LGR4: variants seen among roughly 807,000 people sequenced by gnomAD.
LGR4 encodes the protein leucine rich repeat containing G protein-coupled receptor 4.
A neutral mutation model predicts 84.8 loss-of-function variants in LGR4; 44 were observed. The observed-to-expected ratio is 0.52, with a 90% CI of 0.41 to 0.67. The LOEUF is 0.67. Among genes scored for constraint, LGR4 ranks in the 30% least tolerant of loss-of-function variants. LGR4 has a pLI of 0.00. For synonymous variants in LGR4, 429 were observed against 434.3 expected (o/e 0.99, Z 0.15); for missense variants, 1,032 against 1,131.4 (o/e 0.91, Z 1.26).
At chr11:27,448,263 T>C (rs1864424870) in intron 1 of LGR4, among the ~76,000 whole-genome samples, 1 of 151,744 alleles carries the variant, frequency 6.6e-6, no homozygotes, top group Non-Finnish European at 1.5e-5. Flanking sequence ...GAATAAATCA[T>C]CCAGAGTTTC....
intron 4 of LGR4, 78 bp downstream of exon 4, chr11:27,391,016 C>T: frequency 1.2e-6 from 1 of 841,952 alleles, no homozygotes; most frequent in Non-Finnish European, 1.9e-6. Context: ...TCTCCTCTTT[C>T]CTTACAATTC....
chr11:27,458,681 G>A (rs1302277383), intron 1 of LGR4, among the ~76,000 whole-genome samples: 1 of 151,998 alleles, frequency 6.6e-6, no homozygotes, highest in East Asian at 1.9e-4. Flanking sequence ...TAGGATTACA[G>A]CCACCCACCA....
intron 2 of LGR4, among the ~76,000 whole-genome samples, chr11:27,406,407 T>A (rs1247763072): frequency 6.6e-6 from 1 of 152,162 alleles, no homozygotes; most frequent in Non-Finnish European, 1.5e-5. Flanking sequence ...ACCCAGCTTA[T>A]AATGAGCTAT....
At position 27,472,178 on chromosome 11, in the gene LGR4, T is replaced by G; in HGVS notation, c.125A>C (p.Asp42Ala). 2 of 1,244,138 alleles carry G rather than the reference T, an allele frequency of 1.6e-6. No individual in the cohort carries two copies. The highest frequency in any genetic ancestry group is 2.0e-6 in the Non-Finnish European group (2 of 979,054). 77.1% of individuals were successfully genotyped at this position (1,244,138 alleles called of 1,614,324 possible). Residue 42 changes from aspartate (D) to alanine (A), a missense_variant, in exon 1 of 18, where the codon GAC becomes GCC. Physicochemically the swap from Asp to Ala is moderately radical, Grantham distance 126 (BLOSUM62 -2). Transcript: ENST00000379214. The part of the protein sequence containing the change: ...PCSCDGDRRV[D>A]CSGKGLTAVP... ...GGCCGTCAGCCCCTTCCCGGAGCAG[T>G]CCACCCGACGGTCGCCGTCGCAGCT...
At chr11:27,391,540 C>A (rs988898447) in intron 3 of LGR4, among the ~76,000 whole-genome samples, 2 of 151,976 alleles carry the variant, frequency 1.3e-5, no homozygotes, top group African/African-American at 2.4e-5. Flanking sequence ...TAAGCAAATC[C>A]GTTGGAATTC....
intron 2 of LGR4, among the ~76,000 whole-genome samples, chr11:27,410,038 C>A (rs1863681480): frequency 6.6e-6 from 1 of 152,166 alleles, no homozygotes; most frequent in Non-Finnish European, 1.5e-5. Context: ...GTAGCAACCA[C>A]AGGCAGCTAT....
At chr11:27,417,620 C>G (rs934811068) in intron 1 of LGR4, among the ~76,000 whole-genome samples, 1 of 152,048 alleles carries the variant, frequency 6.6e-6, no homozygotes, top group Non-Finnish European at 1.5e-5. Context: ...CATTTTCTCC[C>G]CACCTTTTTA....
intron 1 of LGR4, among the ~76,000 whole-genome samples, chr11:27,449,263 G>T (rs1864442573): frequency 6.8e-6 from 1 of 147,384 alleles, no homozygotes; most frequent in African/African-American, 2.4e-5. Flanking sequence ...AATAATTAAA[G>T]TTTAACAAAA....
In LGR4 at chr11:27,396,516, GTTGT is replaced by G. The variant is rs935521520; in HGVS notation, c.258-4002_258-3999del. Among the ~76,000 whole-genome samples the G allele has an allele frequency of 6.6e-5, 10 of 152,050 alleles. 1 individual carries two copies. The highest frequency in any genetic ancestry group is 5.9e-4 in the Admixed American group (9 of 15,266). On this transcript the variant is annotated intron_variant, in intron 2 of 17. Coordinates refer to ENST00000379214, the MANE Select transcript of LGR4 (RefSeq NM_018490.5). ...TAGTTAAGGATACATACCATTCTCT[GTTGT>G]TTGTTTTTTATTATTATTTTTTTTA...
At chr11:27,413,282 T>C (rs753952616) in intron 1 of LGR4, among the ~76,000 whole-genome samples, 6 of 152,106 alleles carry the variant, frequency 3.9e-5, no homozygotes, top group Admixed American at 1.3e-4. Flanking sequence ...AATAAAAGCA[T>C]GTCCTAGCTC....
intron 7 of LGR4, among the ~76,000 whole-genome samples, chr11:27,381,829 A>T (rs1863101102): frequency 6.6e-6 from 1 of 152,200 alleles, no homozygotes; most frequent in Non-Finnish European, 1.5e-5. Context: ...AACTTCAATT[A>T]GGTATTCTTC....
At chr11:27,395,863 C>G (rs1264235128) in intron 2 of LGR4, among the ~76,000 whole-genome samples, 2 of 152,080 alleles carry the variant, frequency 1.3e-5, no homozygotes, top group African/African-American at 4.8e-5. Flanking sequence ...ATTTTATGAG[C>G]TAGTATTTCT....
At chr11:27,378,845 G>C in intron 10 of LGR4, 77 bp from the exon 11 acceptor site, 5 of 961,284 alleles carry the variant, frequency 5.2e-6, no homozygotes, top group Non-Finnish European at 8.3e-6. Context: ...TATAGAATAA[G>C]TGCTCACATA....
At chr11:27,376,603 A>AATT (rs1301797170) in intron 12 of LGR4, among the ~76,000 whole-genome samples, 2 of 152,218 alleles carry the variant, frequency 1.3e-5, no homozygotes, top group African/African-American at 4.8e-5. Context: ...GAAAGAGACT[A>AATT]ATTGGTATTT....
At chr11:27,384,517 T>G (rs1413525411) in intron 5 of LGR4, 110 bp from the exon 6 acceptor site, 1 of 763,828 alleles carries the variant, frequency 1.3e-6, no homozygotes, top group African/African-American at 1.7e-5. Context: ...GCTAAACATA[T>G]CAACAGCTAA....
chr11:27,442,894 A>G lies in LGR4; in HGVS notation c.185+29224T>C, dbSNP rs572987335. Among the ~76,000 whole-genome samples the G allele has an allele frequency of 2.0e-5, 3 of 152,342 alleles. No individual in the cohort carries two copies. In the South Asian group the frequency reaches 6.2e-4, roughly 32 times the overall value. ...GAGTTTGGTTTCAGATTTTGGTATAAGGAGCTGTTCACAGCAAAAGAGAAA... is the reference window on the plus strand; with the variant it reads ...GAGTTTGGTTTCAGATTTTGGTATAGGGAGCTGTTCACAGCAAAAGAGAAA... On this transcript the variant is annotated intron_variant, in intron 1 of 17. Coordinates refer to ENST00000379214, the MANE Select transcript of LGR4 (RefSeq NM_018490.5).
intron 2 of LGR4, among the ~76,000 whole-genome samples, chr11:27,393,966 G>A (rs1175159087): frequency 6.8e-6 from 1 of 146,172 alleles, no homozygotes; most frequent in Non-Finnish European, 1.5e-5. Context: ...GCGGGAAGGG[G>A]ACAGAAAAGC....
At chr11:27,381,540 G>A (rs1266635522) in intron 7 of LGR4, among the ~76,000 whole-genome samples, 1 of 152,018 alleles carries the variant, frequency 6.6e-6, no homozygotes, top group African/African-American at 2.4e-5. Context: ...CAATTAGCTG[G>A]GCGTGGTGGT....
intron 1 of LGR4, among the ~76,000 whole-genome samples, chr11:27,441,248 A>G (rs1257055257): frequency 6.6e-6 from 1 of 151,760 alleles, no homozygotes; most frequent in Non-Finnish European, 1.5e-5. Flanking sequence ...AAGATCACAC[A>G]GTGCCATAAT....
Sources: gnomAD v4.1 joint callset for allele counts (sites outside exome capture counted in the v4.1 genomes callset) on GRCh38, gnomAD v4.1.1 for gene constraint, MANE v1.5 for transcripts, NCBI Gene and HGNC (gene_info 2026-07-23, HGNC 2026-07-21) for gene names.